Variants in HECW1 observed in about 807,000 individuals in gnomAD.
HECW1 encodes the protein HECT, C2 and WW domain containing E3 ubiquitin protein ligase 1.
Under a neutral mutation model 182.3 loss-of-function variants are expected in HECW1, and 61 were observed. The ratio of observed to expected loss-of-function variants is 0.33; its 90% CI spans 0.27 to 0.41. The LOEUF is 0.41. Among genes scored for constraint, HECW1 ranks in the 10% least tolerant of loss-of-function variants. HECW1 has a pLI of 1.00. For synonymous variants in HECW1, 859 were observed against 832.6 expected, an observed-to-expected ratio of 1.03 and a Z score of -0.55; for missense variants, 1,739 against 2,108.9, an observed-to-expected ratio of 0.82 and a Z score of 3.44.
intron 3 of HECW1, among the ~76,000 whole-genome samples, chr7:43,307,710 G>A (rs1027288323): frequency 4.6e-5 from 7 of 151,742 alleles, no homozygotes; most frequent in African/African-American, 1.2e-4. Flanking sequence ...AGCCACAAAC[G>A]AATTGCATGT....
At chr7:43,145,670 A>G (rs933855797) in intron 2 of HECW1, among the ~76,000 whole-genome samples, 5 of 152,122 alleles carry the variant, frequency 3.3e-5, no homozygotes, top group African/African-American at 1.2e-4. Context: ...CCTTAATTGA[A>G]AAGTCTGTAT....
intron 12 of HECW1, among the ~76,000 whole-genome samples, chr7:43,452,591 G>T (rs1319198653): frequency 6.6e-6 from 1 of 152,218 alleles, no homozygotes; most frequent in Non-Finnish European, 1.5e-5. Context: ...CCCTGTGCTA[G>T]GTACTATTGT....
intron 8 of HECW1, among the ~76,000 whole-genome samples, chr7:43,425,927 T>G (rs953231868): frequency 3.3e-5 from 5 of 152,194 alleles, no homozygotes; most frequent in Non-Finnish European, 7.3e-5. Context: ...ATATATTATT[T>G]TGTCCCTTTT....
At chr7:43,397,899 G>C (rs1450177401) in intron 7 of HECW1, among the ~76,000 whole-genome samples, 1 of 152,200 alleles carries the variant, frequency 6.6e-6, no homozygotes, top group East Asian at 1.9e-4. Flanking sequence ...ACTGGGCAAA[G>C]GTTATGTGGG....
intron 3 of HECW1, among the ~76,000 whole-genome samples, chr7:43,291,361 T>C (rs1584350958): frequency 6.6e-6 from 1 of 152,114 alleles, no homozygotes; most frequent in Non-Finnish European, 1.5e-5. Flanking sequence ...AGTTTAAAAC[T>C]TTTTTTAAAT....
intron 2 of HECW1, among the ~76,000 whole-genome samples, chr7:43,127,632 AAGCT>A (rs1250896161): frequency 3.3e-5 from 5 of 152,072 alleles, no homozygotes; most frequent in African/African-American, 1.2e-4. Context: ...GCATTCCTTT[AAGCT>A]AAAGCTTAAT....
intron 8 of HECW1, 135 bp from the exon 9 acceptor site, chr7:43,437,868 A>G: frequency 1.1e-6 from 1 of 882,432 alleles, no homozygotes; most frequent in Middle Eastern, 3.6e-4. Flanking sequence ...GGTTCACAAC[A>G]TTTCTGAGAC....
chr7:43,468,090 A>C (rs12702045), intron 15 of HECW1, among the ~76,000 whole-genome samples: 123,262 of 151,574 alleles, frequency 0.81, 51,008 homozygotes, highest in African/African-American at 0.95. Flanking sequence ...TTTCACCACC[A>C]GCCCCCACCA....
chr7:43,540,481 C>T (rs2081325505), intron 24 of HECW1, among the ~76,000 whole-genome samples: 1 of 152,182 alleles, frequency 6.6e-6, no homozygotes, highest in South Asian at 2.1e-4. Flanking sequence ...TTGCAAAATG[C>T]TCAGGAAGTC....
chr7:43,193,486 A>G (rs1794139611), intron 2 of HECW1, among the ~76,000 whole-genome samples: 1 of 151,992 alleles, frequency 6.6e-6, no homozygotes, highest in Non-Finnish European at 1.5e-5. Flanking sequence ...GGTTCAAACA[A>G]TTCTCCTGCC....
At chr7:43,339,364 C>T (rs1423496208) in intron 5 of HECW1, among the ~76,000 whole-genome samples, 1 of 152,130 alleles carries the variant, frequency 6.6e-6, no homozygotes, top group Non-Finnish European at 1.5e-5. Context: ...GTTTACGAAC[C>T]CTCTTTCTGC....
chr7:43,284,241 A>G (rs1000423433), intron 3 of HECW1, among the ~76,000 whole-genome samples: 5 of 152,236 alleles, frequency 3.3e-5, no homozygotes, highest in Non-Finnish European at 7.3e-5. Context: ...TTGACAAATG[A>G]AAATCATATT....
chr7:43,384,995 G>T (rs2074710695), intron 6 of HECW1, among the ~76,000 whole-genome samples: 1 of 152,038 alleles, frequency 6.6e-6, no homozygotes, highest in African/African-American at 2.4e-5. Context: ...TGTCACTCCT[G>T]CATCCTTAAC....
chr7:43,205,135 G>A (rs767354593), intron 2 of HECW1, among the ~76,000 whole-genome samples: 10 of 151,890 alleles, frequency 6.6e-5, no homozygotes, highest in Non-Finnish European at 1.3e-4. Context: ...CCGGGCTGGA[G>A]TGCAGTGGTG....
At chr7:43,540,044 A>T (rs960119219) in intron 24 of HECW1, among the ~76,000 whole-genome samples, 2 of 152,228 alleles carry the variant, frequency 1.3e-5, no homozygotes, top group African/African-American at 4.8e-5. Flanking sequence ...AGTCAATAAC[A>T]CTAGCATGTT....
intron 3 of HECW1, among the ~76,000 whole-genome samples, chr7:43,263,534 T>C (rs1801416926): frequency 2.0e-5 from 3 of 152,178 alleles, no homozygotes; most frequent in Admixed American, 1.3e-4. Flanking sequence ...CTAATTTTTA[T>C]ATTTTCAGTA....
chr7:43,301,387 G>A (rs1017902978), intron 3 of HECW1, among the ~76,000 whole-genome samples: 7 of 152,160 alleles, frequency 4.6e-5, no homozygotes, highest in Non-Finnish European at 2.9e-5. Context: ...CCTTCTAGGG[G>A]GGACCATGCC....
chr7:43,249,288 T>A (rs1255613924), intron 3 of HECW1: 1 of 152,424 alleles, frequency 6.6e-6, no homozygotes, highest in Non-Finnish European at 1.5e-5. Context: ...CAGTAACTGT[T>A]CCGGAGCGTC....
chr7:43,562,713 T>C lies in HECW1; in HGVS notation c.*787T>C. The C allele has an allele frequency of 4.5e-6, 1 of 222,776 alleles. No homozygotes were observed. Among genetic ancestry groups the C allele is most frequent in the Non-Finnish European group, 9.0e-6 (1 of 111,186 alleles). 13.8% of individuals were successfully genotyped at this position (222,776 alleles called of 1,614,324 possible). On this transcript the variant is annotated 3_prime_UTR_variant, in exon 30 of 30. Coordinates refer to ENST00000395891, the MANE Select transcript of HECW1 (RefSeq NM_015052.5). ...TCACACCACAAGAAGGACAAACTTGTGCACATGTCCAAGAAAGAAAGCTTC... is the reference window on the plus strand; with the variant it reads ...TCACACCACAAGAAGGACAAACTTGCGCACATGTCCAAGAAAGAAAGCTTC...
Sources: gnomAD v4.1 joint callset for allele counts (sites outside exome capture counted in the v4.1 genomes callset) on GRCh38, gnomAD v4.1.1 for gene constraint, MANE v1.5 for transcripts, NCBI Gene and HGNC (gene_info 2026-07-23, HGNC 2026-07-21) for gene names.